PAIP2: variants seen among roughly 807,000 people sequenced by gnomAD.
PAIP2 encodes the protein polyadenylate-binding protein-interacting protein 2.
Under a neutral mutation model 14.8 loss-of-function variants are expected in PAIP2, and 7 were observed. That is an observed-to-expected ratio of 0.47 (90% CI 0.27 to 0.89). The LOEUF is 0.89. Among genes scored for constraint, PAIP2 ranks in the 40% least tolerant of loss-of-function variants. The probability of loss-of-function intolerance (pLI) is 0.13; values close to 1 mark genes in which losing one functional copy is unlikely to be tolerated. For synonymous variants in PAIP2, 47 were observed against 45.3 expected (o/e 1.04, Z -0.15); for missense variants, 122 against 154.7 (o/e 0.79, Z 1.12).
In PAIP2 at chr5:139,346,178, A is replaced by T. The variant is rs80146569; in HGVS notation, c.-27+4198A>T. Among the ~76,000 whole-genome samples, 768 of 152,310 alleles carry T rather than the reference A, an allele frequency of 5.0e-3. 9 individuals are homozygous for T. The highest frequency in any genetic ancestry group is 0.018 in the African/African-American group (737 of 41,556). Reference sequence around the variant, plus strand: ...GGAAAAAATTGCTCTTACCTATCCAAAATCTGGTGAAATATATGAATTTGT... The same window carrying T: ...GGAAAAAATTGCTCTTACCTATCCATAATCTGGTGAAATATATGAATTTGT... On this transcript the variant is annotated intron_variant, in intron 1 of 3. Coordinates refer to ENST00000265192, the MANE Select transcript of PAIP2 (RefSeq NM_016480.5).
chr5:139,368,737 A>G lies in PAIP2; in HGVS notation c.323A>G (p.Lys108Arg). 1 of 1,612,564 alleles carries G rather than the reference A, an allele frequency of 6.2e-7. No homozygotes were observed. ...DGSSLEDLVV[K>R]SNLNPNAKEF... The stretch of plus-strand genomic sequence containing the variant: ...TTTTATGTACTTATTTTCCAGGTCA[A>G]GAGCAATCTGAATCCAAATGCAAAG... Residue 108 changes from lysine (K) to arginine (R), a missense_variant, in exon 4 of 4, where the codon AAG becomes AGG. By Grantham distance (26) the Lys-to-Arg change is conservative (BLOSUM62 2). Around this residue, in one of 3 missense-constraint regions of PAIP2, gnomAD observed 46 missense variants for 44.0 expected, o/e 1.05. Coordinates refer to ENST00000265192, the MANE Select transcript of PAIP2 (RefSeq NM_016480.5).
rs140720063 is a variant in PAIP2, at chr5:139,350,745, G to C, written c.-27+8765G>C. 4.9e-3 allele frequency among the ~76,000 whole-genome samples: 746 copies of C among 152,028 alleles called. 3 individuals carry two copies. The highest frequency in any genetic ancestry group is 7.8e-3 in the Non-Finnish European group (531 of 67,968). On this transcript the variant is annotated intron_variant, in intron 1 of 3. Transcript: ENST00000265192. ...AAAGAAGAAAAAAATAGAGAAAACA[G>C]GCAAAAGACTGATGAATCTAGATGA...
intron 3 of PAIP2, among the ~76,000 whole-genome samples, chr5:139,368,196 G>A (rs974860608): frequency 1.3e-5 from 2 of 152,214 alleles, no homozygotes; most frequent in African/African-American, 4.8e-5. Context: ...AAATTAGCTG[G>A]GCGTGGCGGT....
intron 1 of PAIP2, chr5:139,342,295 C>G (rs886470054): frequency 2.6e-5 from 4 of 152,172 alleles, no homozygotes; most frequent in African/African-American, 9.7e-5. Context: ...TCCTCATTCT[C>G]CCGGTCCTTT....
chr5:139,342,575 G>T (rs1479907872), intron 1 of PAIP2: 1 of 152,082 alleles, frequency 6.6e-6, no homozygotes, highest in Admixed American at 6.6e-5. Flanking sequence ...CCTTATTTTT[G>T]GTTGTATTGC....
chr5:139,362,483 T>C lies in PAIP2; in HGVS notation c.-26-1276T>C, dbSNP rs1184021650. Among the ~76,000 whole-genome samples the C allele has an allele frequency of 2.0e-5, 3 of 146,466 alleles. No individual in the cohort carries two copies. The East Asian group carries it at 6.2e-4, about 30-fold the overall frequency. ...TGGAGTGCAACGGCGCAATCTTGGC[T>C]CACCACAGCCTCCGCCTCCCGGGTT... On this transcript the variant is annotated intron_variant, in intron 1 of 3. Coordinates refer to ENST00000265192, the MANE Select transcript of PAIP2 (RefSeq NM_016480.5).
At chr5:139,357,402 C>T (rs896037547) in intron 1 of PAIP2, among the ~76,000 whole-genome samples, 3 of 152,278 alleles carry the variant, frequency 2.0e-5, no homozygotes, top group South Asian at 2.1e-4. Context: ...TTGTTTGCCC[C>T]GTTATTGCTA....
At chr5:139,365,962 GACGCCGAGGC>G (rs376196291) in intron 3 of PAIP2, among the ~76,000 whole-genome samples, 12 of 152,304 alleles carry the variant, frequency 7.9e-5, no homozygotes, top group African/African-American at 2.4e-4. Flanking sequence ...AACACTTTGG[GACGCCGAGGC>G]ACGCGGATCA....
intron 1 of PAIP2, among the ~76,000 whole-genome samples, chr5:139,355,168 T>C (rs1339752212): frequency 1.7e-4 from 24 of 143,782 alleles, no homozygotes; most frequent in Admixed American, 5.6e-4. Flanking sequence ...GTCTCTCTCT[T>C]TTTTTTTTTT....
At chr5:139,353,010 G>A (rs575332985) in intron 1 of PAIP2, among the ~76,000 whole-genome samples, 9 of 151,728 alleles carry the variant, frequency 5.9e-5, no homozygotes, top group Admixed American at 1.3e-4. Context: ...CAGCTGCTCC[G>A]GAGGCTGAGG....
intron 1 of PAIP2, among the ~76,000 whole-genome samples, chr5:139,359,590 T>G (rs566384868): frequency 2.6e-5 from 4 of 152,258 alleles, no homozygotes; most frequent in African/African-American, 9.6e-5. Context: ...TGAGGCAGGA[T>G]CAATCCCAGC....
intron 1 of PAIP2, among the ~76,000 whole-genome samples, chr5:139,362,964 G>A (rs1295887563): frequency 6.6e-6 from 1 of 152,132 alleles, no homozygotes; most frequent in African/African-American, 2.4e-5. Flanking sequence ...GATGTGGCCG[G>A]GCGTGGTGGC....
At chr5:139,356,723 A>G (rs1302971130) in intron 1 of PAIP2, among the ~76,000 whole-genome samples, 13 of 151,528 alleles carry the variant, frequency 8.6e-5, no homozygotes. Flanking sequence ...GTCTCTACTA[A>G]AAGTATACAG....
At chr5:139,346,534 C>T (rs1188411332) in intron 1 of PAIP2, among the ~76,000 whole-genome samples, 2 of 149,252 alleles carry the variant, frequency 1.3e-5, no homozygotes, top group Non-Finnish European at 3.0e-5. Flanking sequence ...CCGCACCTGG[C>T]CTATTTTTAT....
intron 1 of PAIP2, among the ~76,000 whole-genome samples, chr5:139,347,714 C>T (rs1402610494): frequency 6.6e-6 from 1 of 151,806 alleles, no homozygotes; most frequent in African/African-American, 2.4e-5. Context: ...GCACATTGTG[C>T]ACATGTACCC....
At position 139,351,919 on chromosome 5, in the gene PAIP2, A is replaced by T. The variant is rs533255406; in HGVS notation, c.-27+9939A>T. 2.0e-5 allele frequency among the ~76,000 whole-genome samples: 3 copies of T among 152,208 alleles called. No individual in the cohort carries two copies. In the South Asian group the frequency reaches 6.2e-4, roughly 32 times the overall value. ...AAGTGATCCTCCCGCATCGGCCTACACTTCAATGCTTGCTTTCCTAACAAA... is the reference window on the plus strand; with the variant it reads ...AAGTGATCCTCCCGCATCGGCCTACTCTTCAATGCTTGCTTTCCTAACAAA... On this transcript the variant is annotated intron_variant, in intron 1 of 3. Transcript: ENST00000265192.
At chr5:139,358,186 T>C (rs1756971409) in intron 1 of PAIP2, among the ~76,000 whole-genome samples, 1 of 152,234 alleles carries the variant, frequency 6.6e-6, no homozygotes, top group African/African-American at 2.4e-5. Context: ...TCAGCTCCAC[T>C]GTTCACTAGT....
At chr5:139,353,918 T>C (rs1206436882) in intron 1 of PAIP2, among the ~76,000 whole-genome samples, 3 of 152,046 alleles carry the variant, frequency 2.0e-5, no homozygotes, top group Non-Finnish European at 4.4e-5. Context: ...GACGGGGTTT[T>C]GCCATGTTGG....
intron 1 of PAIP2, among the ~76,000 whole-genome samples, chr5:139,346,182 C>T (rs1050402087): frequency 6.6e-6 from 1 of 152,192 alleles, no homozygotes. Context: ...TATCCAAAAT[C>T]TGGTGAAATA....
Sources: allele counts gnomAD v4.1 joint callset (sites outside exome capture counted in the v4.1 genomes callset), GRCh38; gene constraint gnomAD v4.1.1; regional missense constraint gnomAD v4.1.1; transcripts MANE v1.5; gene names NCBI Gene and HGNC (gene_info 2026-07-23, HGNC 2026-07-21).